GNB4: variants seen among roughly 807,000 people sequenced by gnomAD.
The protein encoded by GNB4 is G protein subunit beta 4.
Under a neutral mutation model 45.2 loss-of-function variants are expected in GNB4, and 28 were observed. That is an observed-to-expected ratio of 0.62 (90% CI 0.46 to 0.85). The LOEUF (loss-of-function observed/expected upper bound fraction) is 0.85, where lower values mean the gene tolerates loss of function less well. Ranked by LOEUF, GNB4 falls within the 40% of genes least tolerant of loss-of-function variation. The pLI is 0.00. For missense variants in GNB4, 321 were observed against 425.4 expected (o/e 0.75, Z 2.16); for synonymous variants, 132 against 143.7 (o/e 0.92, Z 0.58).
chr3:179,498,749 G>GTTTTTTTTTT, the GNB4 span, among the ~76,000 whole-genome samples: 2 of 130,810 alleles, frequency 1.5e-5, no homozygotes, highest in East Asian at 2.3e-4. Context: ...TTGAGGTTTG[G>GTTTTTTTTTT]TTTTTTTTTT....
the GNB4 span, among the ~76,000 whole-genome samples, chr3:179,509,647 T>C: frequency 4.0e-5 from 6 of 149,610 alleles, no homozygotes; most frequent in African/African-American, 1.5e-4. Flanking sequence ...TGGCCCTCCC[T>C]TCCCTCTTTT....
chr3:179,464,412 C>A, the GNB4 span: 1 of 1,388,178 alleles, frequency 7.2e-7, no homozygotes, highest in South Asian at 1.2e-5. Context: ...CAGCTGCTCC[C>A]TCTGCCCTCG....
chr3:179,420,897 G>T lies in GNB4; in HGVS notation c.88C>A (p.Leu30Ile). 1 of 1,588,858 alleles carries T rather than the reference G, an allele frequency of 6.3e-7. No homozygotes were observed. The highest frequency in any genetic ancestry group is 8.6e-7 in the Non-Finnish European group (1 of 1,161,582). The change falls in exon 3 of 10, where the codon CTT (leucine) becomes ATT (isoleucine). Residue 30 changes from leucine to isoleucine, a missense_variant. Leu to Ile is a conservative substitution (Grantham distance 5). Transcript: ENST00000232564. ...DARKACNDATLVQITSNMDSV... is the reference protein window; with the variant it reads ...DARKACNDATIVQITSNMDSV... Reference sequence around the variant, plus strand: ...GAAAAACAAAACTTTACCTGAACAAGCGTTGCATCATTACATGCTTTCCGA... The same window carrying T: ...GAAAAACAAAACTTTACCTGAACAATCGTTGCATCATTACATGCTTTCCGA...
chr3:179,468,356 G>A, the GNB4 span, among the ~76,000 whole-genome samples: 4 of 151,862 alleles, frequency 2.6e-5, no homozygotes, highest in Non-Finnish European at 4.4e-5. Context: ...TTAGCCAGGC[G>A]TGGTGGCGCT....
intron 8 of GNB4, chr3:179,405,955 T>C (rs1225902585): frequency 2.6e-5 from 4 of 152,226 alleles, no homozygotes; most frequent in Non-Finnish European, 5.9e-5. Context: ...GCATCTTATT[T>C]CGTGCCTTCT....
At chr3:179,497,698 T>TAA in the GNB4 span, among the ~76,000 whole-genome samples, 2 of 151,518 alleles carry the variant, frequency 1.3e-5, no homozygotes, top group African/African-American at 2.4e-5. Flanking sequence ...CTCAGTAGTT[T>TAA]AAAAAAAATT....
chr3:179,520,298 C>A, the GNB4 span, among the ~76,000 whole-genome samples: 3 of 151,976 alleles, frequency 2.0e-5, no homozygotes, highest in Admixed American at 1.3e-4. Flanking sequence ...CGGCATAATT[C>A]TCATAAAAAC....
chr3:179,485,359 G>A, the GNB4 span, among the ~76,000 whole-genome samples: 1 of 152,042 alleles, frequency 6.6e-6, no homozygotes, highest in Non-Finnish European at 1.5e-5. Flanking sequence ...GAACTCAATT[G>A]TACCTATAAG....
chr3:179,520,156 T>TTG, the GNB4 span, among the ~76,000 whole-genome samples: 15 of 12,278 alleles, frequency 1.2e-3, no homozygotes, highest in Non-Finnish European at 1.7e-3. Context: ...CCAGCCTCTC[T>TTG]GCTTTCACTT....
chr3:179,499,056 T>A, the GNB4 span, among the ~76,000 whole-genome samples: 1 of 152,096 alleles, frequency 6.6e-6, no homozygotes, highest in Admixed American at 6.6e-5. Context: ...AGAATGATGG[T>A]TTCCAGCGTC....
At chr3:179,407,655 G>C (rs114253277) in intron 8 of GNB4, among the ~76,000 whole-genome samples, 1,659 of 152,298 alleles carry the variant, frequency 0.011, 28 homozygotes, top group African/African-American at 0.038. Context: ...TTCACAGAGA[G>C]TGTCAGAGAG....
At chr3:179,474,737 C>CTTTTTTTTTTTTTTTTTTTTTTTTT in the GNB4 span, among the ~76,000 whole-genome samples, 2 of 59,726 alleles carry the variant, frequency 3.3e-5, no homozygotes, top group African/African-American at 7.3e-5. Flanking sequence ...AGACTGGGTC[C>CTTTTTTTTTTTTTTTTTTTTTTTTT]TTTTTTTTTT....
the GNB4 span, among the ~76,000 whole-genome samples, chr3:179,494,979 G>C: frequency 6.6e-6 from 1 of 151,508 alleles, no homozygotes; most frequent in South Asian, 2.1e-4. Flanking sequence ...TAAATCTTTG[G>C]AGAGATATGG....
chr3:179,465,174 A>G, the GNB4 span: 2 of 1,281,260 alleles, frequency 1.6e-6, no homozygotes, highest in Non-Finnish European at 2.3e-6. Flanking sequence ...ATGGGAATAA[A>G]TAGAGTTCAT....
the GNB4 span, among the ~76,000 whole-genome samples, chr3:179,519,428 T>A: frequency 2.6e-5 from 4 of 152,184 alleles, no homozygotes; most frequent in Non-Finnish European, 5.9e-5. Flanking sequence ...CATCCCCTTT[T>A]TAATCAATAC....
chr3:179,527,220 TG>T, the GNB4 span, among the ~76,000 whole-genome samples: 5 of 152,104 alleles, frequency 3.3e-5, no homozygotes, highest in Admixed American at 2.0e-4. Context: ...GTTCTCAGCC[TG>T]GAAGACGTTC....
At chr3:179,401,860 T>C (rs1714312654) in intron 9 of GNB4, among the ~76,000 whole-genome samples, 1 of 152,238 alleles carries the variant, frequency 6.6e-6, no homozygotes, top group Non-Finnish European at 1.5e-5. Context: ...TGGTTATAAC[T>C]TTCTGAAACC....
At chr3:179,430,071 G>GAGACAGACAGAC (rs3086948) in intron 1 of GNB4, among the ~76,000 whole-genome samples, 19 of 142,258 alleles carry the variant, frequency 1.3e-4, no homozygotes, top group East Asian at 6.4e-4. Context: ...GACTGAGAGA[G>GAGACAGACAGAC]AGACAGACAG....
rs1283014380 is a variant in GNB4 at position 179,426,211 on chromosome 3, T to A, written c.-11A>T. The A allele has an allele frequency of 6.3e-7, 1 of 1,592,364 alleles. No individual in the cohort carries two copies. Among genetic ancestry groups the A allele is most frequent in the South Asian group, 1.2e-5 (1 of 86,512 alleles). ...TTCCAGTTCGCTCATTTTTTCAATT[T>A]GTTTACCTCAGGAGCTAATGAGTGA... On this transcript the variant is annotated 5_prime_UTR_variant, in exon 2 of 10. Transcript: ENST00000232564.
Sources: allele counts gnomAD v4.1 joint callset (sites outside exome capture counted in the v4.1 genomes callset), GRCh38; gene constraint gnomAD v4.1.1; transcripts MANE v1.5; gene names NCBI Gene and HGNC (gene_info 2026-07-23, HGNC 2026-07-21).